The following LRFN5 variants were observed in gnomAD, a reference collection of about 807,000 sequenced individuals.
LRFN5 encodes the protein leucine rich repeat and fibronectin type III domain containing 5, also known as leucine-rich repeat and fibronectin type-III domain-containing protein 5.
LRFN5 carries 24 observed loss-of-function variants against 45.6 expected under a neutral mutation model. That is an observed-to-expected ratio of 0.53 (90% CI 0.38 to 0.74). The LOEUF (loss-of-function observed/expected upper bound fraction) is 0.74. Ranked by LOEUF, LRFN5 falls within the 30% of genes least tolerant of loss-of-function variation. The pLI, the probability that LRFN5 is intolerant of heterozygous loss-of-function variation, is 0.00. For synonymous variants in LRFN5, 340 were observed against 313.8 expected (o/e 1.08, Z -0.88); for missense variants, 776 against 861.5 (o/e 0.90, Z 1.24).
intron 1 of LRFN5, among the ~76,000 whole-genome samples, chr14:41,689,033 T>A (rs1367173449): frequency 6.6e-6 from 1 of 151,856 alleles, no homozygotes; most frequent in African/African-American, 2.4e-5. Context: ...AGGTTGAGGC[T>A]ACAGCGAGCT....
At chr14:41,835,933 TAAA>T (rs35558917) in intron 2 of LRFN5, among the ~76,000 whole-genome samples, 1 of 146,420 alleles carries the variant, frequency 6.8e-6, no homozygotes, top group African/African-American at 2.5e-5. Flanking sequence ...TCTTTTTTTT[TAAA>T]AAAAAAAAAC....
rs1339045323 is a variant in LRFN5, at chr14:41,742,583, T to G, written c.-196-24271T>G. The G allele has an allele frequency of 2.0e-5, 3 of 152,322 alleles. No individual in the cohort carries two copies. In the East Asian group the frequency reaches 5.8e-4, roughly 29 times the overall value. The allele number at this position is 152,322 out of a possible 1,614,324, so 9.4% of individuals were successfully genotyped here. A position where few individuals can be genotyped will look rare whatever the true frequency, so the allele number is the denominator to read the frequency against. On this transcript the variant is annotated intron_variant, in intron 1 of 5. Coordinates refer to ENST00000298119, the MANE Select transcript of LRFN5 (RefSeq NM_152447.5). ...TGACAGGAAGATACGTTGGAGCGAC[T>G]ATGTGACTGGGGCGGGAGCCAAACT...
chr14:41,858,124 A>C (rs926610277), intron 2 of LRFN5, among the ~76,000 whole-genome samples: 1 of 152,206 alleles, frequency 6.6e-6, no homozygotes, highest in Non-Finnish European at 1.5e-5. Context: ...GTATGGAGCC[A>C]GCTGTAGGAA....
intron 1 of LRFN5, among the ~76,000 whole-genome samples, chr14:41,705,019 T>A (rs1377488297): frequency 2.0e-5 from 3 of 152,144 alleles, no homozygotes; most frequent in Admixed American, 1.3e-4. Context: ...TCATTAATTA[T>A]AAGGATAAGT....
chr14:41,850,440 A>G (rs566546543), intron 2 of LRFN5, among the ~76,000 whole-genome samples: 1 of 152,002 alleles, frequency 6.6e-6, no homozygotes, highest in South Asian at 2.1e-4. Context: ...AAAAAGAAAA[A>G]AAAATCTATA....
chr14:41,889,098 CTA>C (rs200882779), intron 3 of LRFN5, among the ~76,000 whole-genome samples: 5,864 of 97,432 alleles, frequency 0.06, 787 homozygotes, highest in East Asian at 0.52. Flanking sequence ...ATATATATGT[CTA>C]TATATATATG....
At chr14:41,721,299 T>G (rs1883702805) in intron 1 of LRFN5, among the ~76,000 whole-genome samples, 2 of 152,278 alleles carry the variant, frequency 1.3e-5, no homozygotes, top group South Asian at 2.1e-4. Flanking sequence ...AGACAGCAGA[T>G]GGATGAATCT....
rs964861778 is a variant in LRFN5 at position 41,890,496 on chromosome 14, A to G, written c.1386-754A>G. Among the ~76,000 whole-genome samples the G allele has an allele frequency of 2.5e-3, 375 of 151,484 alleles. 1 individual carries two copies. Among genetic ancestry groups the G allele is most frequent in the African/African-American group, 8.7e-3 (362 of 41,440 alleles). ...GCAGAGGCGGGCGGATCATGAGGTC[A>G]GGAGATCGAGACCATCCTGGCTAAC... On this transcript the variant is annotated intron_variant, in intron 3 of 5. Transcript: ENST00000298119.
At chr14:41,862,952 C>T (rs893645809) in intron 2 of LRFN5, among the ~76,000 whole-genome samples, 1 of 150,500 alleles carries the variant, frequency 6.6e-6, no homozygotes, top group Non-Finnish European at 1.5e-5. Context: ...GCAAGCTCCG[C>T]CTCCCAGGTT....
At chr14:41,696,219 G>T (rs1309104112) in intron 1 of LRFN5, among the ~76,000 whole-genome samples, 1 of 151,782 alleles carries the variant, frequency 6.6e-6, no homozygotes, top group Admixed American at 6.6e-5. Flanking sequence ...ATGGATGAGG[G>T]GCTGCTTCTT....
At chr14:41,670,566 A>G (rs1881158145) in intron 1 of LRFN5, among the ~76,000 whole-genome samples, 1 of 151,746 alleles carries the variant, frequency 6.6e-6, no homozygotes, top group East Asian at 1.9e-4. Context: ...CAAGCCACTT[A>G]TAACACTATT....
chr14:41,699,464 A>T (rs929116761), intron 1 of LRFN5: 1 of 152,134 alleles, frequency 6.6e-6, no homozygotes, highest in African/African-American at 2.4e-5. Context: ...TTAAAGGATT[A>T]TGTGGAAGGA....
chr14:41,792,048 C>T (rs1448712204), intron 2 of LRFN5, among the ~76,000 whole-genome samples: 1 of 152,000 alleles, frequency 6.6e-6, no homozygotes, highest in African/African-American at 2.4e-5. Flanking sequence ...TGTTGGCCTT[C>T]TAAGAAATAA....
chr14:41,880,584 A>G (rs1890345721), intron 2 of LRFN5, among the ~76,000 whole-genome samples: 1 of 152,162 alleles, frequency 6.6e-6, no homozygotes, highest in African/African-American at 2.4e-5. Flanking sequence ...TCTGGAAAGA[A>G]TGTGTATTCT....
chr14:41,784,093 T>A (rs1443305867), intron 2 of LRFN5, among the ~76,000 whole-genome samples: 1 of 152,124 alleles, frequency 6.6e-6, no homozygotes, highest in African/African-American at 2.4e-5. Context: ...GACTTACCAT[T>A]CTATTAACGA....
intron 1 of LRFN5, among the ~76,000 whole-genome samples, chr14:41,746,195 T>C (rs557289656): frequency 3.9e-5 from 6 of 152,124 alleles, no homozygotes; most frequent in African/African-American, 1.4e-4. Context: ...GAATGATGGC[T>C]CTACATATTA....
chr14:41,769,502 G>A (rs2138887894), intron 2 of LRFN5, among the ~76,000 whole-genome samples: 1 of 152,180 alleles, frequency 6.6e-6, no homozygotes, highest in African/African-American at 2.4e-5. Context: ...GTATTTATGT[G>A]CATGTATGTG....
intron 2 of LRFN5, among the ~76,000 whole-genome samples, chr14:41,837,775 G>A (rs1215357163): frequency 3.3e-5 from 5 of 152,122 alleles, no homozygotes; most frequent in African/African-American, 1.2e-4. Flanking sequence ...CTTTAAAATA[G>A]CTAAAATAAT....
At chr14:41,769,540 A>T (rs1393241684) in intron 2 of LRFN5, among the ~76,000 whole-genome samples, 3 of 152,168 alleles carry the variant, frequency 2.0e-5, no homozygotes, top group Non-Finnish European at 4.4e-5. Context: ...ATGTGTGTGT[A>T]TATATGTATA....
Sources: gnomAD v4.1 joint callset for allele counts (sites outside exome capture counted in the v4.1 genomes callset) on GRCh38, gnomAD v4.1.1 for gene constraint, MANE v1.5 for transcripts, NCBI Gene and HGNC (gene_info 2026-07-23, HGNC 2026-07-21) for gene names.